The following SEPTIN6 variants were observed in gnomAD, a reference collection of about 807,000 sequenced individuals.
The protein encoded by SEPTIN6 is septin 6.
Under a neutral mutation model 33.6 loss-of-function variants are expected in SEPTIN6, and 8 were observed. The ratio of observed to expected loss-of-function variants is 0.24; its 90% CI spans 0.14 to 0.43. SEPTIN6 has a LOEUF of 0.43. SEPTIN6 is among the 20% of genes least tolerant of loss of function. The pLI, the probability that SEPTIN6 is intolerant of heterozygous loss-of-function variation, is 1.00. For missense variants in SEPTIN6, 250 were observed against 340.8 expected, an observed-to-expected ratio of 0.73 and a Z score of 2.10; for synonymous variants, 131 against 140.0, an observed-to-expected ratio of 0.94 and a Z score of 0.45.
In SEPTIN6 at chrX:119,637,009, G is replaced by A; in HGVS notation, c.956+18C>T. The A allele has an allele frequency of 8.3e-7, 1 of 1,204,105 alleles. No individual in the cohort carries two copies. The highest frequency in any genetic ancestry group is 1.8e-5 in the South Asian group (1 of 55,632). The stretch of plus-strand genomic sequence containing the variant: ...AGCTGAGCTGGGCTGGGCTGGGCTG[G>A]GCTGGCAGGAGCGGTACCTGAAGGG... On this transcript the variant is annotated intron_variant, in intron 7 of 10. Coordinates refer to ENST00000394610, the MANE Select transcript of SEPTIN6 (RefSeq NM_145799.4).
At chrX:119,645,722 G>A (rs188051286) in intron 5 of SEPTIN6, among the ~76,000 whole-genome samples, 174 of 111,365 alleles carry the variant, frequency 1.6e-3, no homozygotes, top group African/African-American at 5.4e-3. Context: ...AGTAGAGACG[G>A]GGTTTCACCA....
chrX:119,676,604 T>C (rs1278771505), intron 1 of SEPTIN6, among the ~76,000 whole-genome samples: 3 of 111,505 alleles, frequency 2.7e-5, no homozygotes, highest in Admixed American at 9.5e-5. Flanking sequence ...ACAACATCTC[T>C]ACAAAAAATC....
At chrX:119,668,152 C>T (rs988907060) in intron 2 of SEPTIN6, among the ~76,000 whole-genome samples, 4 of 109,891 alleles carry the variant, frequency 3.6e-5, no homozygotes, top group Admixed American at 9.8e-5. Flanking sequence ...AAAAATTAGC[C>T]GTGCATGGTG....
At chrX:119,668,917 C>T (rs1282283533) in intron 2 of SEPTIN6, among the ~76,000 whole-genome samples, 1 of 111,519 alleles carries the variant, frequency 9.0e-6, no homozygotes, top group East Asian at 2.8e-4. Flanking sequence ...AATTTGTAGT[C>T]TTTTATTCCT....
At chrX:119,620,589 G>T (rs761608411) in intron 10 of SEPTIN6, among the ~76,000 whole-genome samples, 67 of 108,964 alleles carry the variant, frequency 6.1e-4, no homozygotes, top group African/African-American at 2.2e-3. Flanking sequence ...AAAGTGCTGG[G>T]ATTACAGGCG....
In SEPTIN6 at chrX:119,644,903, T is replaced by C. The variant is rs769635220; in HGVS notation, c.691-4115A>G. 5.1e-5 allele frequency among the ~76,000 whole-genome samples: 5 copies of C among 97,263 alleles called. No individual in the cohort carries two copies. In the South Asian group the frequency reaches 2.5e-3, roughly 50 times the overall value. The allele number at this position is 97,263 out of a possible 115,157, so 84.5% of individuals were successfully genotyped here. On this transcript the variant is annotated intron_variant, in intron 5 of 10. Transcript: ENST00000394610. ...CAAGGGAGAAGCCCTCATGGCCCAA[T>C]CACATTTTTTTTTTTTTTTTAAGAT...
chrX:119,616,309 T>C (rs1057003920), downstream of SEPTIN6: 10 of 313,948 alleles, frequency 3.2e-5, no homozygotes, highest in African/African-American at 2.4e-4. Flanking sequence ...AGTCAACCCA[T>C]CGAACCAGAG....
intron 10 of SEPTIN6, chrX:119,624,157 G>GTTTTTTTTTTTTTTTTTTTTT: frequency 9.6e-6 from 2 of 207,279 alleles, no homozygotes; most frequent in African/African-American, 3.3e-5. Flanking sequence ...TTTTTTTTTT[G>GTTTTTTTTTTTTTTTTTTTTT]TTTTTTTTTT....
rs1462032124 is a variant in SEPTIN6, at chrX:119,629,389, A to G, written c.1209T>C (p.Ala403=). The change falls in exon 9 of 11, where the codon GCT becomes GCC. Residue 403 remains alanine, a synonymous_variant. Coordinates refer to ENST00000394610, the MANE Select transcript of SEPTIN6 (RefSeq NM_145799.4). ...GGGAGCCCTGGGACTGGAGCAGCTC[A>G]GCCGCCGTCTTTCTTTGCTTGAAAG... ...VNAFKQRKTA[A]ELLQSQGSQA... The G allele has an allele frequency of 1.7e-6, 2 of 1,211,750 alleles. No homozygotes were observed. Among genetic ancestry groups the G allele is most frequent in the Admixed American group, 2.2e-5 (1 of 45,999 alleles).
Position 119,676,010 on chromosome X carries a change from C to T in SEPTIN6, c.31-342G>A, listed in dbSNP as rs933310138. Among the ~76,000 whole-genome samples the T allele has an allele frequency of 4.5e-5, 5 of 111,028 alleles. No homozygotes were observed. In the South Asian group the frequency reaches 1.6e-3, roughly 35 times the overall value. On this transcript the variant is annotated intron_variant, in intron 1 of 10. Coordinates refer to ENST00000394610, the MANE Select transcript of SEPTIN6 (RefSeq NM_145799.4). ...GGTTAAATCTCCACTCAGTCATTTACAAGCTGAGTAACTTGCTGAGACTGT... is the reference window on the plus strand; with the variant it reads ...GGTTAAATCTCCACTCAGTCATTTATAAGCTGAGTAACTTGCTGAGACTGT...
rs1315310929 is a variant in SEPTIN6 at position 119,618,348 on chromosome X, A to G, written c.*1745T>C. The stretch of plus-strand genomic sequence containing the variant: ...AGCACCAAACCTACACAGCAAACCT[A>G]TATTCTTGCTTTGTCAACAAGAAAA... On this transcript the variant is annotated 3_prime_UTR_variant, in exon 11 of 11. Transcript: ENST00000394610. 9.8e-6 allele frequency: 8 copies of G among 815,575 alleles called. No homozygotes were observed. In the African/African-American group the frequency reaches 1.7e-4, roughly 18 times the overall value. The allele number at this position is 815,575 out of a possible 1,213,427, so 67.2% of individuals were successfully genotyped here.
At position 119,618,165 on chromosome X, in the gene SEPTIN6, A is replaced by ATTT. The variant is rs57766875; in HGVS notation, c.*1925_*1927dup. 8,807 of 665,414 alleles carry ATTT rather than the reference A, an allele frequency of 0.013. 10 individuals carry two copies. Among genetic ancestry groups the ATTT allele is most frequent in the South Asian group, 0.019 (232 of 12,048 alleles). The allele number at this position is 665,414 out of a possible 1,213,427, so 54.8% of individuals were successfully genotyped here. A position where few individuals can be genotyped will look rare whatever the true frequency, so the allele number is the denominator to read the frequency against. ...AGCTACTGGCTGAGTATCTGAGCAG[A>ATTT]TTTTTTTTTTTTTTTTTTTGGTCGT... On this transcript the variant is annotated 3_prime_UTR_variant, in exon 11 of 11. Coordinates refer to ENST00000394610, the MANE Select transcript of SEPTIN6 (RefSeq NM_145799.4).
In SEPTIN6 at chrX:119,660,809, C is replaced by CG. The variant is rs1465211751; in HGVS notation, c.341+2672dup. On this transcript the variant is annotated intron_variant, in intron 3 of 10. Transcript: ENST00000394610. Reference sequence around the variant, plus strand: ...TTTAGGAAGCCAAGGCGGGGGTGAGCGGGGGGGATCACTTGAGGTCAGGAG... The same window carrying CG: ...TTTAGGAAGCCAAGGCGGGGGTGAGCGGGGGGGGATCACTTGAGGTCAGGAG... Among the ~76,000 whole-genome samples the CG allele has an allele frequency of 2.1e-4, 21 of 98,701 alleles. 1 individual carries two copies. Among genetic ancestry groups the CG allele is most frequent in the African/African-American group, 6.9e-4 (17 of 24,724 alleles). The allele number at this position is 98,701 out of a possible 115,157, so 85.7% of individuals were successfully genotyped here.
chrX:119,660,393 A>C (rs981834336), intron 3 of SEPTIN6, among the ~76,000 whole-genome samples: 1 of 112,384 alleles, frequency 8.9e-6, no homozygotes, highest in African/African-American at 3.2e-5. Context: ...CCTCAGTGCA[A>C]TTTCAAGGAG....
chrX:119,637,178 A>C lies in SEPTIN6; in HGVS notation c.805T>G (p.Cys269Gly). 1 of 1,211,705 alleles carries C rather than the reference A, an allele frequency of 8.3e-7. No homozygotes were observed. The highest frequency in any genetic ancestry group is 1.1e-6 in the Non-Finnish European group (1 of 895,283). ...ATCTCCCGCAGCTTCACAAAGTCGC[A>C]GTGGGCCTCGTTTTCAACTGCATAG... ...GTVQVENEAH[C>G]DFVKLREMLI... Residue 269 changes from cysteine to glycine, a missense_variant, in exon 7 of 11, where the codon TGC becomes GGC. Coordinates refer to ENST00000394610, the MANE Select transcript of SEPTIN6 (RefSeq NM_145799.4).
rs988031813 is a variant in SEPTIN6 at position 119,619,283 on chromosome X, A to G, written c.*810T>C. 1 of 813,121 alleles carries G rather than the reference A, an allele frequency of 1.2e-6. No homozygotes were observed. Among genetic ancestry groups the G allele is most frequent in the African/African-American group, 2.2e-5 (1 of 45,844 alleles). 67.0% of individuals were successfully genotyped at this position (813,121 alleles called of 1,213,427 possible). On this transcript the variant is annotated 3_prime_UTR_variant, in exon 11 of 11. Coordinates refer to ENST00000394610, the MANE Select transcript of SEPTIN6 (RefSeq NM_145799.4). ...CCCCGAGATGCTGAAATACCTCACAAGAAGAATTCGGTAAGGCTATCATTC... is the reference window on the plus strand; with the variant it reads ...CCCCGAGATGCTGAAATACCTCACAGGAAGAATTCGGTAAGGCTATCATTC...
chrX:119,633,416 T>A lies in SEPTIN6; in HGVS notation c.1033A>T (p.Met345Leu), dbSNP rs766570333. The A allele has an allele frequency of 8.3e-7, 1 of 1,210,855 alleles. No individual in the cohort carries two copies. Among genetic ancestry groups the A allele is most frequent in the East Asian group, 3.0e-5 (1 of 33,841 alleles). Residue 345 changes from methionine to leucine, a missense_variant, in exon 8 of 11, where the codon ATG (methionine) becomes TTG (leucine). This residue lies in a region of SEPTIN6 where 139 missense variants were observed against 227.0 expected (regional missense o/e 0.61). Coordinates refer to ENST00000394610, the MANE Select transcript of SEPTIN6 (RefSeq NM_145799.4). The stretch of plus-strand genomic sequence containing the variant: ...TTCTCTTTGACTCGCTGGACGAACA[T>A]CTGTCTCATCTCCTCTTCTTTTTTC... ...LQKKEEEMRQ[M>L]FVQRVKEKEA...
intron 4 of SEPTIN6, among the ~76,000 whole-genome samples, chrX:119,652,357 G>C (rs1310279444): frequency 8.9e-6 from 1 of 111,759 alleles, no homozygotes; most frequent in Non-Finnish European, 1.9e-5. Context: ...ATATGACAAT[G>C]AGCAAGTCAC....
intron 6 of SEPTIN6, 40 bp downstream of exon 6, chrX:119,640,652 G>T: frequency 9.8e-7 from 1 of 1,025,001 alleles, no homozygotes; most frequent in Non-Finnish European, 1.4e-6. Context: ...ACAGACAAAA[G>T]GGGCTTCCTG....
Sources: gnomAD v4.1 joint callset for allele counts (sites outside exome capture counted in the v4.1 genomes callset) on GRCh38, gnomAD v4.1.1 for gene constraint, gnomAD v4.1.1 regional missense constraint, MANE v1.5 for transcripts, NCBI Gene and HGNC (gene_info 2026-07-23, HGNC 2026-07-21) for gene names.